Variants in C10orf90 observed in about 807,000 individuals in gnomAD.
C10orf90 encodes the protein (E2-independent) E3 ubiquitin-conjugating enzyme FATS.
A neutral mutation model predicts 62.5 loss-of-function variants in C10orf90; 56 were observed. The observed-to-expected ratio is 0.90, with a 90% CI of 0.72 to 1.12. The LOEUF (loss-of-function observed/expected upper bound fraction) is 1.12. Ranked by LOEUF, C10orf90 falls within the 50% of genes most tolerant of loss-of-function variation. C10orf90 has a pLI of 0.00. For missense variants in C10orf90, 970 were observed against 880.4 expected, an observed-to-expected ratio of 1.10 and a Z score of -1.29; for synonymous variants, 386 against 340.4, an observed-to-expected ratio of 1.13 and a Z score of -1.47.
At chr10:126,599,981 T>C (rs1012735587) in intron 2 of C10orf90, among the ~76,000 whole-genome samples, 1 of 152,250 alleles carries the variant, frequency 6.6e-6, no homozygotes, top group African/African-American at 2.4e-5. Flanking sequence ...AAGATGTAAA[T>C]GTCTATCTTT....
At position 126,453,891 on chromosome 10, in the gene C10orf90, T is replaced by C. The variant is rs980875974; in HGVS notation, c.2188+5149A>G. 6.6e-6 allele frequency among the ~76,000 whole-genome samples: 1 copy of C among 151,952 alleles called. No homozygotes were observed. The highest frequency in any genetic ancestry group is 1.5e-5 in the Non-Finnish European group (1 of 67,974). On this transcript the variant is annotated intron_variant, in intron 7 of 9. Coordinates refer to ENST00000488181, the MANE Select transcript of C10orf90 (RefSeq NM_001350921.2). The surrounding 1 kb of genome is among the most constrained non-coding windows in gnomAD (Gnocchi z 4.9). ...TGGGAACCCTGATCATGAGTGTTTT[T>C]GGAGTGAAGGAAGGACAGGAAATGA...
At chr10:126,518,458 C>T (rs976653217) in intron 2 of C10orf90, among the ~76,000 whole-genome samples, 10 of 152,022 alleles carry the variant, frequency 6.6e-5, no homozygotes, top group Non-Finnish European at 1.0e-4. Context: ...AACCACTCCA[C>T]GACTTTTAGA....
intron 2 of C10orf90, among the ~76,000 whole-genome samples, chr10:126,584,370 C>A (rs2134019563): frequency 6.6e-6 from 1 of 151,914 alleles, no homozygotes; most frequent in Non-Finnish European, 1.5e-5. Context: ...GTCCACCTTC[C>A]ATCTGTCCAT....
chr10:126,642,382 A>G (rs2133845579), intron 2 of C10orf90, among the ~76,000 whole-genome samples: 1 of 152,136 alleles, frequency 6.6e-6, no homozygotes, highest in Admixed American at 6.5e-5. Flanking sequence ...AATACAAAAA[A>G]TTAGCCGGGC....
chr10:126,437,012 G>A (rs1857967829), intron 7 of C10orf90, among the ~76,000 whole-genome samples: 1 of 152,106 alleles, frequency 6.6e-6, no homozygotes, highest in African/African-American at 2.4e-5. Flanking sequence ...TAATGGCAAT[G>A]CCAACGACCA....
intron 2 of C10orf90, among the ~76,000 whole-genome samples, chr10:126,639,479 C>T (rs1000509467): frequency 9.9e-5 from 15 of 152,136 alleles, no homozygotes; most frequent in African/African-American, 2.2e-4. Flanking sequence ...ACACCCATGG[C>T]GAGGTAGAAG....
intron 4 of C10orf90, among the ~76,000 whole-genome samples, chr10:126,495,634 T>A (rs1862004565): frequency 6.6e-6 from 1 of 152,200 alleles, no homozygotes; most frequent in South Asian, 2.1e-4. Context: ...TTAGCTATTA[T>A]TGATGAAAAG....
In C10orf90 at chr10:126,459,121, T is replaced by C; in HGVS notation, c.2107A>G (p.Lys703Glu). The C allele has an allele frequency of 6.2e-7, 1 of 1,614,216 alleles. No individual in the cohort carries two copies. Among genetic ancestry groups the C allele is most frequent in the South Asian group, 1.1e-5 (1 of 91,080 alleles). Residue 703 changes from lysine (K) to glutamate (E), a missense_variant, in exon 7 of 10, where the codon AAG becomes GAG. By Grantham distance (56) the Lys-to-Glu change is moderately conservative. Transcript: ENST00000488181. ...HMVQQRKAQRKEDLRQKQSLL... is the reference protein window; with the variant it reads ...HMVQQRKAQREEDLRQKQSLL... ...CTCTGCTTCTGCCTCAGGTCCTCCTTCCGCTGGGCTTTCCTCTGCTGGACC... is the reference window on the plus strand; with the variant it reads ...CTCTGCTTCTGCCTCAGGTCCTCCTCCCGCTGGGCTTTCCTCTGCTGGACC...
intron 1 of C10orf90, among the ~76,000 whole-genome samples, chr10:126,652,997 A>T (rs535361894): frequency 1.3e-5 from 2 of 152,334 alleles, no homozygotes; most frequent in South Asian, 4.1e-4. Context: ...ACACTATATT[A>T]TATTCTATTA....
At chr10:126,542,101 A>G (rs544776296) in intron 2 of C10orf90, among the ~76,000 whole-genome samples, 3 of 152,370 alleles carry the variant, frequency 2.0e-5, no homozygotes, top group African/African-American at 7.2e-5. Flanking sequence ...TTTACATGAA[A>G]TGTCCAGAGT....
intron 1 of C10orf90, among the ~76,000 whole-genome samples, chr10:126,652,409 G>A (rs1322940408): frequency 1.3e-5 from 2 of 152,154 alleles, no homozygotes; most frequent in African/African-American, 4.8e-5. Flanking sequence ...CAATCTATCT[G>A]TCTCTCCTTA....
chr10:126,599,342 C>A (rs958084206), intron 2 of C10orf90, among the ~76,000 whole-genome samples: 16 of 151,558 alleles, frequency 1.1e-4, no homozygotes, highest in Non-Finnish European at 1.5e-5. Context: ...CCTGCCACTG[C>A]GCCCGGCTAA....
intron 7 of C10orf90, among the ~76,000 whole-genome samples, chr10:126,444,743 G>T (rs367620358): frequency 6.6e-6 from 1 of 152,012 alleles, no homozygotes; most frequent in African/African-American, 2.4e-5. Context: ...AATAAATCTG[G>T]AGGCATCACA....
intron 4 of C10orf90, among the ~76,000 whole-genome samples, chr10:126,475,777 A>C (rs543886583): frequency 3.3e-5 from 5 of 152,350 alleles, no homozygotes; most frequent in Non-Finnish European, 5.9e-5. Flanking sequence ...TTGAAGAGTC[A>C]ATTTGAAATG....
intron 2 of C10orf90, among the ~76,000 whole-genome samples, chr10:126,535,514 CT>C (rs1216269978): frequency 1.0e-5 from 1 of 95,238 alleles, no homozygotes; most frequent in Non-Finnish European, 2.4e-5. Context: ...CAGACGCTGT[CT>C]CAAAAAAAAA....
intron 2 of C10orf90, among the ~76,000 whole-genome samples, chr10:126,574,077 G>T (rs551034607): frequency 2.0e-5 from 3 of 152,256 alleles, no homozygotes; most frequent in Admixed American, 1.3e-4. Flanking sequence ...AGCCATAGAA[G>T]TATAAAAAAG....
intron 2 of C10orf90, among the ~76,000 whole-genome samples, chr10:126,599,311 G>A (rs1020127126): frequency 6.6e-6 from 1 of 151,008 alleles, no homozygotes; most frequent in African/African-American, 2.4e-5. Flanking sequence ...TCAGCCTTCC[G>A]AGTAGCTGGG....
intron 2 of C10orf90, among the ~76,000 whole-genome samples, chr10:126,596,138 TAAA>T (rs34919079): frequency 1.6e-5 from 2 of 126,626 alleles, no homozygotes; most frequent in African/African-American, 2.9e-5. Context: ...ATCTCTTATT[TAAA>T]AAAAAAAAAA....
intron 4 of C10orf90, among the ~76,000 whole-genome samples, chr10:126,503,582 G>A (rs570531693): frequency 6.6e-6 from 1 of 152,240 alleles, no homozygotes; most frequent in East Asian, 1.9e-4. Flanking sequence ...CAGATGTTTG[G>A]CGAGAGAGAT....
Sources: allele counts gnomAD v4.1 joint callset (sites outside exome capture counted in the v4.1 genomes callset), GRCh38; gene constraint gnomAD v4.1.1; non-coding constraint Gnocchi (gnomAD v3.1); transcripts MANE v1.5; gene names NCBI Gene and HGNC (gene_info 2026-07-23, HGNC 2026-07-21).